ATP10D: variants seen among roughly 807,000 people sequenced by gnomAD.
ATP10D encodes the protein ATPase phospholipid transporting 10D (putative), also known as phospholipid-transporting ATPase VD.
ATP10D carries 89 observed loss-of-function variants against 144.8 expected under a neutral mutation model. The observed-to-expected ratio is 0.61, with a 90% CI of 0.52 to 0.73. The LOEUF (loss-of-function observed/expected upper bound fraction) is 0.73. ATP10D is among the 30% of genes least tolerant of loss of function. The pLI is 0.00. For missense variants in ATP10D, 1,603 were observed against 1,714.8 expected (o/e 0.93, Z 1.15); for synonymous variants, 571 against 615.1 (o/e 0.93, Z 1.06).
intron 15 of ATP10D, among the ~76,000 whole-genome samples, chr4:47,567,773 T>C (rs987961571): frequency 1.3e-5 from 2 of 152,186 alleles, no homozygotes; most frequent in Non-Finnish European, 2.9e-5. Context: ...CAAGAGTGTT[T>C]ATAGTTTTTG....
chr4:47,535,035 C>T (rs1457823770), intron 5 of ATP10D, among the ~76,000 whole-genome samples: 1 of 152,032 alleles, frequency 6.6e-6, no homozygotes, highest in Non-Finnish European at 1.5e-5. Context: ...GAGCTGAAGG[C>T]CATTATCCTA....
intron 4 of ATP10D, among the ~76,000 whole-genome samples, chr4:47,524,215 T>C (rs1717117566): frequency 6.6e-6 from 1 of 152,138 alleles, no homozygotes. Context: ...AGTGAGCCAC[T>C]GCGCTCGGTC....
rs551786906 is a variant in ATP10D at position 47,500,219 on chromosome 4, G to A, written c.-37-12285G>A. ...AGACAGAAATTTCTACGCTGATGGA[G>A]GAGGGAGACAGACAAAAGCTAAAAT... On this transcript the variant is annotated intron_variant, in intron 1 of 22. Coordinates refer to ENST00000273859, the MANE Select transcript of ATP10D (RefSeq NM_020453.4). Among the ~76,000 whole-genome samples, 6 of 152,316 alleles carry A rather than the reference G, an allele frequency of 3.9e-5. 1 individual carries two copies. The East Asian group carries it at 9.6e-4, about 24-fold the overall frequency.
chr4:47,590,415 C>A (rs1439084400), intron 22 of ATP10D, among the ~76,000 whole-genome samples: 1 of 152,098 alleles, frequency 6.6e-6, no homozygotes, highest in Non-Finnish European at 1.5e-5. Flanking sequence ...GCTGGACAAC[C>A]TTTCTGCTAG....
intron 2 of ATP10D, 36 bp downstream of exon 2, chr4:47,512,866 C>T (rs752107107): frequency 6.5e-7 from 1 of 1,528,436 alleles, no homozygotes; most frequent in Non-Finnish European, 8.9e-7. Flanking sequence ...CTTAGAATAT[C>T]ATTCTAGTTG....
Position 47,563,679 on chromosome 4 carries a change from A to G in ATP10D, c.2767A>G (p.Lys923Glu). ...CAAGATCTGGATGCTGACAGGGGAC[A>G]AGCAGGAGACAGCTGTCAACATAGC... ...GIKIWMLTGD[K>E]QETAVNIAYA... Residue 923 changes from lysine to glutamate, a missense_variant, in exon 15 of 23, where the codon AAG (lysine) becomes GAG (glutamate). Coordinates refer to ENST00000273859, the MANE Select transcript of ATP10D (RefSeq NM_020453.4). The G allele has an allele frequency of 6.2e-7, 1 of 1,614,038 alleles. No individual in the cohort carries two copies. The highest frequency in any genetic ancestry group is 1.1e-5 in the South Asian group (1 of 91,070).
Position 47,505,531 on chromosome 4 carries a change from C to G in ATP10D, c.-37-6973C>G, listed in dbSNP as rs139953369. The stretch of plus-strand genomic sequence containing the variant: ...CTGAGGTCAAGAGTTCGAGAACTGC[C>G]TGGCCAACATGGTGAAACCCCATCT... On this transcript the variant is annotated intron_variant, in intron 1 of 22. Transcript: ENST00000273859. Among the ~76,000 whole-genome samples the G allele has an allele frequency of 2.8e-3, 428 of 152,190 alleles. 3 individuals are homozygous for G. The highest frequency in any genetic ancestry group is 9.8e-3 in the African/African-American group (405 of 41,524).
chr4:47,563,863 G>T, intron 15 of ATP10D, 98 bp downstream of exon 15: 2 of 1,120,330 alleles, frequency 1.8e-6, no homozygotes, highest in East Asian at 2.8e-5. Context: ...AAACAAAACA[G>T]CAACCGTTAG....
At chr4:47,586,967 A>G (rs565672533) in intron 21 of ATP10D, 52 bp from the exon 22 acceptor site, 31 of 1,555,810 alleles carry the variant, frequency 2.0e-5, no homozygotes, top group Non-Finnish European at 2.6e-5. Flanking sequence ...CCGGGTGGCA[A>G]TACTGTATCA....
intron 1 of ATP10D, among the ~76,000 whole-genome samples, chr4:47,493,973 G>A (rs1367784366): frequency 4.1e-4 from 62 of 152,142 alleles, no homozygotes. Context: ...CTGGGAAAGG[G>A]GATTTCATTT....
intron 9 of ATP10D, 106 bp downstream of exon 9, chr4:47,537,044 T>C: frequency 7.6e-7 from 1 of 1,317,520 alleles, no homozygotes; most frequent in Non-Finnish European, 1.0e-6. Context: ...GTTTATTTAA[T>C]CATTGAGTAC....
At chr4:47,548,868 G>T (rs1464364710) in intron 10 of ATP10D, among the ~76,000 whole-genome samples, 1 of 152,138 alleles carries the variant, frequency 6.6e-6, no homozygotes, top group African/African-American at 2.4e-5. Context: ...TATTTGATCT[G>T]AAAAATGAGC....
chr4:47,575,208 G>T (rs1033674785), intron 18 of ATP10D, among the ~76,000 whole-genome samples: 2 of 152,142 alleles, frequency 1.3e-5, no homozygotes, highest in Non-Finnish European at 2.9e-5. Context: ...ATTCAGGGTG[G>T]TTAGGGCAAT....
intron 10 of ATP10D, among the ~76,000 whole-genome samples, chr4:47,551,422 A>C (rs1460825111): frequency 6.6e-6 from 1 of 152,132 alleles, no homozygotes; most frequent in Non-Finnish European, 1.5e-5. Flanking sequence ...GTGAAGTAAA[A>C]ATTTTCTTGA....
intron 2 of ATP10D, among the ~76,000 whole-genome samples, chr4:47,514,177 A>G (rs1422859768): frequency 6.6e-6 from 1 of 152,254 alleles, no homozygotes; most frequent in Non-Finnish European, 1.5e-5. Flanking sequence ...ACATACATTC[A>G]TTCTCATCAT....
At chr4:47,493,771 GA>G (rs1041660372) in intron 1 of ATP10D, among the ~76,000 whole-genome samples, 1 of 152,124 alleles carries the variant, frequency 6.6e-6, no homozygotes, top group Non-Finnish European at 1.5e-5. Context: ...CTGAATCAGA[GA>G]AACTGGTGTG....
chr4:47,523,172 A>C lies in ATP10D; in HGVS notation c.646A>C (p.Ser216Arg). Reference protein sequence around the residue: ...HIETSGLDGESNLKQRQVVRG... With the variant: ...HIETSGLDGERNLKQRQVVRG... ...TGAGACTTCTGGTCTTGATGGAGAG[A>C]GCAATTTAAAACAGAGGCAGGTGGT... Residue 216 changes from serine to arginine, a missense_variant, in exon 4 of 23, where the codon AGC becomes CGC. Transcript: ENST00000273859. 1 of 1,614,124 alleles carries C rather than the reference A, an allele frequency of 6.2e-7. No individual in the cohort carries two copies. The highest frequency in any genetic ancestry group is 8.5e-7 in the Non-Finnish European group (1 of 1,180,014).
intron 9 of ATP10D, among the ~76,000 whole-genome samples, chr4:47,540,828 A>G (rs181626553): frequency 7.7e-4 from 118 of 152,296 alleles, no homozygotes; most frequent in Middle Eastern, 3.4e-3. Flanking sequence ...TCTAGGTGAC[A>G]GTTTCTCAGA....
chr4:47,554,968 G>T, intron 11 of ATP10D, 54 bp downstream of exon 11: 1 of 1,484,224 alleles, frequency 6.7e-7, no homozygotes, highest in Admixed American at 1.7e-5. Flanking sequence ...AGAATTTTGG[G>T]TTTAAATGTA....
Sources: gnomAD v4.1 joint callset for allele counts (sites outside exome capture counted in the v4.1 genomes callset) on GRCh38, gnomAD v4.1.1 for gene constraint, MANE v1.5 for transcripts, NCBI Gene and HGNC (gene_info 2026-07-23, HGNC 2026-07-21) for gene names.